ZNF532: variants seen among roughly 807,000 people sequenced by gnomAD.
ZNF532 encodes the protein zinc finger protein 532.
Under a neutral mutation model 89.3 loss-of-function variants are expected in ZNF532, and 22 were observed. The observed-to-expected ratio is 0.25, with a 90% CI of 0.18 to 0.35. The LOEUF (loss-of-function observed/expected upper bound fraction) is 0.35. Among genes scored for constraint, ZNF532 ranks in the 10% least tolerant of loss-of-function variants. The pLI, the probability that ZNF532 is intolerant of heterozygous loss-of-function variation, is 1.00. For missense variants in ZNF532, 1,132 were observed against 1,643.4 expected (o/e 0.69, Z 5.38); for synonymous variants, 606 against 649.6 (o/e 0.93, Z 1.02).
In ZNF532 at chr18:58,919,255, G is replaced by A. The variant is rs557715297; in HGVS notation, c.968G>A (p.Gly323Glu). ...KSPESQNLID[G>E]TKKPSLKQPD... is the part of the protein sequence containing the mutation. ...CCTGAATCCCAGAATCTCATCGACG[G>A]GACCAAAAAACCATCCCTGAAGCAA... is the stretch of plus-strand genomic sequence containing the variant. The change falls in exon 3 of 10, where the codon GGG (glycine) becomes GAG (glutamate). Residue 323 changes from glycine (G) to glutamate (E), a missense_variant. Gly to Glu is a moderately conservative substitution (Grantham distance 98). This residue lies in a region of ZNF532 where 124 missense variants were observed against 191.6 expected (regional missense o/e 0.65). Transcript: ENST00000591808. The surrounding 1 kb of genome is among the most constrained non-coding windows in gnomAD (Gnocchi z 6.1). The A allele has an allele frequency of 1.1e-5, 17 of 1,614,006 alleles. No homozygotes were observed. The highest frequency in any genetic ancestry group is 8.3e-5 in the Admixed American group (5 of 60,012).
intron 7 of ZNF532, among the ~76,000 whole-genome samples, chr18:58,961,737 C>T (rs1186360824): frequency 1.3e-5 from 2 of 152,162 alleles, no homozygotes; most frequent in African/African-American, 4.8e-5. Context: ...GAAACAGTGG[C>T]AGGAGGAAGA....
chr18:58,937,419 T>C (rs766921052), intron 4 of ZNF532, among the ~76,000 whole-genome samples: 5 of 152,244 alleles, frequency 3.3e-5, no homozygotes, highest in African/African-American at 1.2e-4. Flanking sequence ...TCCCTTGGTC[T>C]CCATGGTGTT....
rs1488285166 is a variant in ZNF532 at position 58,942,329 on chromosome 18, C to CCCTT, written c.2705+2711_2705+2712insTCCT. 3.8e-4 allele frequency among the ~76,000 whole-genome samples: 21 copies of CCCTT among 55,530 alleles called. 3 individuals carry two copies. The highest frequency in any genetic ancestry group is 6.2e-4 in the Non-Finnish European group (19 of 30,564). 36.4% of individuals were successfully genotyped at this position (55,530 alleles called of 152,430 possible). On this transcript the variant is annotated intron_variant, in intron 5 of 9. Coordinates refer to ENST00000591808, the MANE Select transcript of ZNF532 (RefSeq NM_001375912.1). The stretch of plus-strand genomic sequence containing the variant: ...GAGCCACCGCGCCTGGCCCCTCCCT[C>CCCTT]CCTCCCTCCCTCCCTCCCTCCCTTC...
chr18:58,893,393 G>A (rs1347742398), intron 2 of ZNF532, among the ~76,000 whole-genome samples: 2 of 152,154 alleles, frequency 1.3e-5, no homozygotes, highest in Non-Finnish European at 1.5e-5. Flanking sequence ...GGTGCCTGGC[G>A]TGGCGGCTCA....
chr18:58,978,031 A>G (rs1210737386), intron 7 of ZNF532, among the ~76,000 whole-genome samples: 1 of 152,204 alleles, frequency 6.6e-6, no homozygotes, highest in Non-Finnish European at 1.5e-5. Flanking sequence ...CCAGACTGCT[A>G]TGCATGTCAT....
At chr18:58,883,194 TTC>T (rs2058053655) in intron 2 of ZNF532, among the ~76,000 whole-genome samples, 1 of 152,244 alleles carries the variant, frequency 6.6e-6, no homozygotes, top group Non-Finnish European at 1.5e-5. Flanking sequence ...CTGTGTTTTT[TTC>T]CTGTTTTCTG....
In ZNF532 at chr18:58,888,811, A is replaced by ATTATATATAT. The variant is rs1420259459; in HGVS notation, c.-18+23232_-18+23233insTTATATATAT. Among the ~76,000 whole-genome samples, 19 of 42,730 alleles carry ATTATATATAT rather than the reference A, an allele frequency of 4.4e-4. 1 individual carries two copies. The highest frequency in any genetic ancestry group is 5.5e-4 in the African/African-American group (4 of 7,320). 28.0% of individuals were successfully genotyped at this position (42,730 alleles called of 152,430 possible). The stretch of plus-strand genomic sequence containing the variant: ...AAATATATATAATTTATATATATAA[A>ATTATATATAT]AAATTATATATATAAATTATATATA... On this transcript the variant is annotated intron_variant, in intron 2 of 9. Transcript: ENST00000591808.
chr18:58,930,286 A>C (rs2061842941), intron 3 of ZNF532, among the ~76,000 whole-genome samples: 1 of 152,114 alleles, frequency 6.6e-6, no homozygotes, highest in African/African-American at 2.4e-5. Flanking sequence ...TGTAGCCTGC[A>C]TTTGCATGCT....
intron 3 of ZNF532, among the ~76,000 whole-genome samples, chr18:58,921,756 T>C (rs2061104129): frequency 1.3e-5 from 2 of 152,238 alleles, no homozygotes; most frequent in South Asian, 2.1e-4. Context: ...TAATTAGACA[T>C]GTTGAATGAA....
intron 7 of ZNF532, among the ~76,000 whole-genome samples, chr18:58,966,357 T>C (rs2065912833): frequency 6.6e-6 from 1 of 152,326 alleles, no homozygotes; most frequent in Middle Eastern, 3.4e-3. Context: ...TTATCTAAAA[T>C]TACTTGCCTT....
chr18:58,926,487 G>A (rs957899296), intron 3 of ZNF532, among the ~76,000 whole-genome samples: 4 of 152,044 alleles, frequency 2.6e-5, no homozygotes, highest in Non-Finnish European at 5.9e-5. Flanking sequence ...ACAGGCATGC[G>A]CCACCATGCC....
At chr18:58,924,984 A>G (rs531218207) in intron 3 of ZNF532, among the ~76,000 whole-genome samples, 2 of 152,266 alleles carry the variant, frequency 1.3e-5, no homozygotes, top group Middle Eastern at 3.4e-3. Context: ...ATTCCATTGT[A>G]TGGTTATACT....
chr18:58,883,112 C>T (rs2058048325), intron 2 of ZNF532, among the ~76,000 whole-genome samples: 1 of 152,172 alleles, frequency 6.6e-6, no homozygotes, highest in African/African-American at 2.4e-5. Flanking sequence ...GAGGAAGACT[C>T]AGAGGGTTTC....
chr18:58,894,182 C>T (rs1026409304), intron 2 of ZNF532, among the ~76,000 whole-genome samples: 9 of 152,036 alleles, frequency 5.9e-5, no homozygotes, highest in African/African-American at 1.2e-4. Flanking sequence ...GTAGACTTTC[C>T]GGCCGGGCGT....
chr18:58,961,297 A>G (rs968428098), intron 7 of ZNF532, among the ~76,000 whole-genome samples: 2 of 152,154 alleles, frequency 1.3e-5, no homozygotes, highest in Non-Finnish European at 2.9e-5. Context: ...TGGCAGTACA[A>G]TCCCCCAAAG....
At chr18:58,864,581 G>C (rs2056274622), upstream of ZNF532, 1 of 150,384 alleles carries the variant, frequency 6.6e-6, no homozygotes, top group Non-Finnish European at 1.5e-5. Context: ...GTGGGCTGTG[G>C]GGTGGAGGGG....
At chr18:58,982,986 C>T (rs537098138) in intron 9 of ZNF532, among the ~76,000 whole-genome samples, 38 of 152,230 alleles carry the variant, frequency 2.5e-4, no homozygotes, top group African/African-American at 6.5e-4. Flanking sequence ...GTGGTGCACA[C>T]GTATAGTCCC....
intron 7 of ZNF532, among the ~76,000 whole-genome samples, chr18:58,977,123 G>A (rs1438290777): frequency 6.6e-6 from 1 of 152,062 alleles, no homozygotes; most frequent in Non-Finnish European, 1.5e-5. Flanking sequence ...CTTTTAACTT[G>A]GAGAAGAAAT....
chr18:58,880,767 CGCGCGTCT>C (rs2057836530), intron 2 of ZNF532, among the ~76,000 whole-genome samples: 1 of 130,842 alleles, frequency 7.6e-6, no homozygotes, highest in African/African-American at 2.9e-5. Context: ...CGCGCACGCG[CGCGCGTCT>C]GTGTGTGTGT....
Sources: allele counts gnomAD v4.1 joint callset (sites outside exome capture counted in the v4.1 genomes callset), GRCh38; gene constraint gnomAD v4.1.1; regional missense constraint gnomAD v4.1.1; non-coding constraint Gnocchi (gnomAD v3.1); transcripts MANE v1.5; gene names NCBI Gene and HGNC (gene_info 2026-07-23, HGNC 2026-07-21).